The following GTF3C5 variants were observed in gnomAD, a reference collection of about 807,000 sequenced individuals.
GTF3C5 encodes general transcription factor 3C polypeptide 5.
Under a neutral mutation model 61.0 loss-of-function variants are expected in GTF3C5, and 47 were observed. The observed-to-expected ratio is 0.77, with a 90% confidence interval of 0.61 to 0.98. The LOEUF is 0.98. Ranked by LOEUF, GTF3C5 falls within the 50% of genes least tolerant of loss-of-function variation. The probability of loss-of-function intolerance (pLI) is 0.00; values close to 1 mark genes in which losing one functional copy is unlikely to be tolerated. For synonymous variants in GTF3C5, 295 were observed against 275.4 expected (o/e 1.07, Z -0.71); for missense variants, 659 against 703.3 (o/e 0.94, Z 0.71).
At chr9:133,055,756 G>GC in intron 8 of GTF3C5, 9 of 1,329,866 alleles carry the variant, frequency 6.8e-6, no homozygotes, top group Non-Finnish European at 6.8e-6. Flanking sequence ...ATGGCCTGCT[G>GC]CACGGGCGGG....
At chr9:133,052,341 T>C (rs1850408109) in intron 5 of GTF3C5, among the ~76,000 whole-genome samples, 177 bp downstream of exon 5, 1 of 133,478 alleles carries the variant, frequency 7.5e-6, no homozygotes. Context: ...CTGGCCCTCA[T>C]CCTTCCTGCC....
At chr9:133,049,161 T>A (rs1364271046) in intron 3 of GTF3C5, among the ~76,000 whole-genome samples, 1 of 152,198 alleles carries the variant, frequency 6.6e-6, no homozygotes, top group Non-Finnish European at 1.5e-5. Flanking sequence ...CCCCACCTAC[T>A]TAGAATCATG....
At position 133,044,164 on chromosome 9, in the gene GTF3C5, A is replaced by G. The variant is rs1222885696; in HGVS notation, c.572+238A>G. ...TGTCTCCCAAAAAAAAAAAAAAAAAAAAAAAGAAAATGGGATGACAGTAGT... is the reference window on the plus strand; with the variant it reads ...TGTCTCCCAAAAAAAAAAAAAAAAAGAAAAAGAAAATGGGATGACAGTAGT... On this transcript the variant is annotated intron_variant, in intron 3 of 10. Transcript: ENST00000372097. 14 of 532,270 alleles carry G rather than the reference A, an allele frequency of 2.6e-5. 1 individual carries two copies. The highest frequency in any genetic ancestry group is 1.2e-4 in the African/African-American group (6 of 51,428). 33.0% of individuals were successfully genotyped at this position (532,270 alleles called of 1,614,324 possible).
At chr9:133,054,050 A>G (rs1829841181) in intron 6 of GTF3C5, 108 bp downstream of exon 6, 1 of 798,562 alleles carries the variant, frequency 1.3e-6, no homozygotes, top group African/African-American at 1.7e-5. Flanking sequence ...GAATAAAAAA[A>G]CCTTTTGCCC....
At chr9:133,038,232 C>G (rs576459084) in intron 1 of GTF3C5, among the ~76,000 whole-genome samples, 1 of 152,262 alleles carries the variant, frequency 6.6e-6, no homozygotes, top group African/African-American at 2.4e-5. Flanking sequence ...CTCACTCAAC[C>G]TGGATATCTA....
At chr9:133,035,762 A>G (rs1383832613) in intron 1 of GTF3C5, among the ~76,000 whole-genome samples, 2 of 152,186 alleles carry the variant, frequency 1.3e-5, no homozygotes, top group African/African-American at 2.4e-5. Context: ...CTCGACTTTC[A>G]CAAGAAAGAC....
intron 8 of GTF3C5, chr9:133,055,239 CGG>C: frequency 4.0e-6 from 6 of 1,484,964 alleles, no homozygotes; most frequent in Non-Finnish European, 5.4e-6. Flanking sequence ...GGTTGCCCAG[CGG>C]GGGTTGGCGG....
Position 133,057,798 on chromosome 9 carries a change from T to C in GTF3C5, c.1394-16T>C, listed in dbSNP as rs1017425210. 4.8e-5 allele frequency: 76 copies of C among 1,579,738 alleles called. No individual in the cohort carries two copies. The highest frequency in any genetic ancestry group is 6.5e-5 in the Non-Finnish European group (76 of 1,163,212). Reference sequence around the variant, plus strand: ...CCTGCATGGGACACCCATGGCCTTGTCTCCTCCGGCCCCAGCTCTCTTTTC... The same window carrying C: ...CCTGCATGGGACACCCATGGCCTTGCCTCCTCCGGCCCCAGCTCTCTTTTC... On this transcript the variant is annotated splice_polypyrimidine_tract_variant and intron_variant, in intron 10 of 10. Coordinates refer to ENST00000372097, the MANE Select transcript of GTF3C5 (RefSeq NM_012087.4).
chr9:133,057,041 G>A, intron 10 of GTF3C5, 133 bp downstream of exon 10: 1 of 856,024 alleles, frequency 1.2e-6, no homozygotes, highest in Non-Finnish European at 1.7e-6. Context: ...CCTGGTGGGA[G>A]GAGGACATTG....
At chr9:133,050,700 CT>C in intron 3 of GTF3C5, 82 bp from the exon 4 acceptor site, 1 of 1,010,864 alleles carries the variant, frequency 9.9e-7, no homozygotes, top group Non-Finnish European at 1.5e-6. Flanking sequence ...TTGGGGGGTT[CT>C]GGGCTCCCTG....
rs1829993091 is a variant in GTF3C5, at chr9:133,058,054, T to C, written c.*74T>C. The C allele has an allele frequency of 6.3e-7, 1 of 1,592,540 alleles. No homozygotes were observed. Among genetic ancestry groups the C allele is most frequent in the Non-Finnish European group, 8.5e-7 (1 of 1,170,726 alleles). Reference sequence around the variant, plus strand: ...CTAATGAGGGAGCCGGGGCTCCCCATTGCCACCCACAGTGCCCGGAATGGC... The same window carrying C: ...CTAATGAGGGAGCCGGGGCTCCCCACTGCCACCCACAGTGCCCGGAATGGC... On this transcript the variant is annotated 3_prime_UTR_variant, in exon 11 of 11. Coordinates refer to ENST00000372097, the MANE Select transcript of GTF3C5 (RefSeq NM_012087.4).
At position 133,054,454 on chromosome 9, in the gene GTF3C5, C is replaced by A. The variant is rs775535523; in HGVS notation, c.1035C>A (p.Tyr345Ter). 1.9e-6 allele frequency: 3 copies of A among 1,614,180 alleles called. No individual in the cohort carries two copies. The highest frequency in any genetic ancestry group is 3.3e-5 in the Admixed American group (2 of 60,034). ...DLPVKAKRST[Y>*]NYSLPITVKK... Reference sequence around the variant, plus strand: ...CGGTCAAAGCAAAGCGCAGCACCTACAACTACAGCCTCCCCATCACCGTCA... The same window carrying A: ...CGGTCAAAGCAAAGCGCAGCACCTAAAACTACAGCCTCCCCATCACCGTCA... Residue 345 changes from tyrosine to a stop codon, truncating the protein, a stop_gained, in exon 7 of 11, where the codon TAC becomes TAA. Coordinates refer to ENST00000372097, the MANE Select transcript of GTF3C5 (RefSeq NM_012087.4). LOFTEE classifies it high-confidence loss of function.
At chr9:133,047,166 T>A (rs1588472157) in intron 3 of GTF3C5, among the ~76,000 whole-genome samples, 1 of 152,184 alleles carries the variant, frequency 6.6e-6, no homozygotes, top group Middle Eastern at 3.4e-3. Flanking sequence ...AATACCAGTC[T>A]CCTACGCAAC....
rs936719637 is a variant in GTF3C5, at chr9:133,053,178, G to A, written c.874-650G>A. Among the ~76,000 whole-genome samples the A allele has an allele frequency of 2.0e-5, 3 of 152,090 alleles. No homozygotes were observed. In the South Asian group the frequency reaches 6.2e-4, roughly 32 times the overall value. On this transcript the variant is annotated intron_variant, in intron 5 of 10. Coordinates refer to ENST00000372097, the MANE Select transcript of GTF3C5 (RefSeq NM_012087.4). ...TAGACATAAGCCATTCAAAAGCTCC[G>A]TTTAGGGACAGAAGATGTCTCATCG... is the stretch of plus-strand genomic sequence containing the variant.
Position 133,031,080 on chromosome 9 carries a change from C to T in GTF3C5, c.69C>T (p.Arg23=), listed in dbSNP as rs1438011716. ...AVPVELRRER[R]MVCVEYPGVV... ...CCGTGGAGCTGAGGCGGGAGCGACG[C>T]ATGGTGTGCGTGGAGTACCCGGGAG... The change falls in exon 1 of 11, where the codon CGC becomes CGT. Residue 23 remains arginine (R), a synonymous_variant. Coordinates refer to ENST00000372097, the MANE Select transcript of GTF3C5 (RefSeq NM_012087.4). 5.6e-6 allele frequency: 9 copies of T among 1,610,314 alleles called. No individual in the cohort carries two copies. Among genetic ancestry groups the T allele is most frequent in the African/African-American group, 1.3e-5 (1 of 74,968 alleles).
intron 1 of GTF3C5, among the ~76,000 whole-genome samples, chr9:133,034,225 G>A (rs981803033): frequency 1.3e-5 from 2 of 152,156 alleles, no homozygotes; most frequent in Admixed American, 1.3e-4. Flanking sequence ...AAAGGAGGGG[G>A]GTTGGCTGTC....
Position 133,058,099 on chromosome 9 carries a change from A to G in GTF3C5, c.*119A>G. 3 of 1,528,980 alleles carry G rather than the reference A, an allele frequency of 2.0e-6. No individual in the cohort carries two copies. The highest frequency in any genetic ancestry group is 2.6e-6 in the Non-Finnish European group (3 of 1,142,342). The allele number at this position is 1,528,980 out of a possible 1,614,324, so 94.7% of individuals were successfully genotyped here. A position where few individuals can be genotyped will look rare whatever the true frequency, so the allele number is the denominator to read the frequency against. ...AATGGCCCTAGGAGGCCCTCTGAGG[A>G]GAGCTAGAGTCCCAGCAAAGGGTGC... On this transcript the variant is annotated 3_prime_UTR_variant, in exon 11 of 11. Coordinates refer to ENST00000372097, the MANE Select transcript of GTF3C5 (RefSeq NM_012087.4).
intron 1 of GTF3C5, among the ~76,000 whole-genome samples, chr9:133,032,804 A>G (rs56276521): frequency 0.032 from 4,880 of 152,254 alleles, 89 homozygotes; most frequent in South Asian, 0.062. Flanking sequence ...CTGCCGAACA[A>G]TCTTCCCGTT....
intron 8 of GTF3C5, chr9:133,055,789 G>A: frequency 7.3e-7 from 1 of 1,369,774 alleles, no homozygotes; most frequent in Non-Finnish European, 9.4e-7. Flanking sequence ...AGTGGCCCCA[G>A]GAGGGCCTGG....
Sources: allele counts gnomAD v4.1 joint callset (sites outside exome capture counted in the v4.1 genomes callset), GRCh38; gene constraint gnomAD v4.1.1; transcripts MANE v1.5; gene names NCBI Gene and HGNC (gene_info 2026-07-23, HGNC 2026-07-21).